Variants in DIRAS3 observed in about 807,000 individuals in gnomAD.
The protein encoded by DIRAS3 is DIRAS family GTPase 3.
For synonymous variants in DIRAS3, 133 were observed against 131.4 expected (o/e 1.01, Z -0.08); for missense variants, 248 against 300.6 (o/e 0.83, Z 1.29).
Position 68,046,632 on chromosome 1 carries a change from C to A in DIRAS3, c.666G>T (p.Leu222=). 1 of 1,614,034 alleles carries A rather than the reference C, an allele frequency of 6.2e-7. No individual in the cohort carries two copies. Among genetic ancestry groups the A allele is most frequent in the Non-Finnish European group, 8.5e-7 (1 of 1,179,996 alleles). Residue 222 remains leucine, a synonymous_variant, in exon 2 of 2, where the codon CTG becomes CTT. Transcript: ENST00000646789. Reference sequence around the variant, plus strand: ...CTCACATGATTATGCACTTGTCAAGCAGCTTCTCAGTGGTGTTGGGCATCT... The same window carrying A: ...CTCACATGATTATGCACTTGTCAAGAAGCTTCTCAGTGGTGTTGGGCATCT... ...KSQMPNTTEK[L]LDKCIIM
chr1:68,046,748 TC>T lies in DIRAS3; in HGVS notation c.549del (p.Thr184ProfsTer3). On this transcript the variant is annotated frameshift_variant, in exon 2 of 2. Transcript: ENST00000646789. LOFTEE classifies it low-confidence loss of function (END_TRUNC). ...WNCAFMEISA[K>X]TDVNVQELFH... is the part of the protein sequence containing the mutation. Reference sequence around the variant, plus strand: ...AACAGCTCCTGCACATTCACATCGGTCTTGGCTGAAATCTCCATGAAGGCGC... The same window carrying T: ...AACAGCTCCTGCACATTCACATCGGTTTGGCTGAAATCTCCATGAAGGCGC... 1 of 1,614,152 alleles carries T rather than the reference TC, an allele frequency of 6.2e-7. No individual in the cohort carries two copies. Among genetic ancestry groups the T allele is most frequent in the South Asian group, 1.1e-5 (1 of 91,078 alleles).
chr1:68,046,908 G>A lies in DIRAS3; in HGVS notation c.390C>T (p.Phe130=), dbSNP rs1645678763. 1 of 1,614,168 alleles carries A rather than the reference G, an allele frequency of 6.2e-7. No homozygotes were observed. The highest frequency in any genetic ancestry group is 1.3e-5 in the African/African-American group (1 of 75,034). The change falls in exon 2 of 2, where the codon TTC becomes TTT. Residue 130 remains phenylalanine, a synonymous_variant. Transcript: ENST00000646789. Reference sequence around the variant, plus strand: ...CTTTGATCTTGCAGATCAGCTCATAGAAGGCCTTCAGCTCTTCCAGGGTTT... The same window carrying A: ...CTTTGATCTTGCAGATCAGCTCATAAAAGGCCTTCAGCTCTTCCAGGGTTT... ...KKETLEELKA[F]YELICKIKGN...
At position 68,049,059 on chromosome 1, in the gene DIRAS3, GA is replaced by G. The variant is rs558109737; in HGVS notation, c.-66+1488del. Among the ~76,000 whole-genome samples the G allele has an allele frequency of 8.9e-4, 129 of 145,656 alleles. 1 individual carries two copies. The highest frequency in any genetic ancestry group is 2.6e-3 in the African/African-American group (103 of 40,022). ...CCACCCCATATTAGAGTTTTCATTTGAAAAAAAAAAATGTTGTTGCTGGTTG... is the reference window on the plus strand; with the variant it reads ...CCACCCCATATTAGAGTTTTCATTTGAAAAAAAAAATGTTGTTGCTGGTTG... On this transcript the variant is annotated intron_variant, in intron 1 of 1. Coordinates refer to ENST00000646789, the MANE Select transcript of DIRAS3 (RefSeq NM_004675.5).
At chr1:68,047,408 A>G (rs1262378462) in intron 1 of DIRAS3, 46 bp from the exon 2 acceptor site, 4 of 974,308 alleles carry the variant, frequency 4.1e-6, no homozygotes, top group East Asian at 2.6e-5. Flanking sequence ...GTAACCTACA[A>G]TGTTGTCAGA....
Position 68,046,310 on chromosome 1 carries a change from T to G in DIRAS3, c.*298A>C, listed in dbSNP as rs1369489989. 4.2e-6 allele frequency: 1 copy of G among 237,362 alleles called. No homozygotes were observed. The highest frequency in any genetic ancestry group is 8.2e-6 in the Non-Finnish European group (1 of 121,958). 14.7% of individuals were successfully genotyped at this position (237,362 alleles called of 1,614,324 possible). ...CTTCCAATTTTTCTTTCTATTCATT[T>G]TGATGTTTTGTTCTTTTCAAAACAT... On this transcript the variant is annotated 3_prime_UTR_variant, in exon 2 of 2. Coordinates refer to ENST00000646789, the MANE Select transcript of DIRAS3 (RefSeq NM_004675.5).
intron 1 of DIRAS3, chr1:68,049,457 A>T: frequency 6.5e-6 from 1 of 152,872 alleles, no homozygotes; most frequent in East Asian, 1.9e-4. Context: ...GATTTCTGCT[A>T]CAGTGATGCA....
At chr1:68,049,960 A>ACC (rs576801046) in intron 1 of DIRAS3, among the ~76,000 whole-genome samples, 2,720 of 105,834 alleles carry the variant, frequency 0.026, 280 homozygotes, top group African/African-American at 0.1. Context: ...CAGGCAGTGG[A>ACC]CCCCCCCCCC....
At position 68,046,488 on chromosome 1, in the gene DIRAS3, C is replaced by T. The variant is rs11801053; in HGVS notation, c.*120G>A. 0.043 allele frequency: 39,171 copies of T among 921,250 alleles called. 2,425 individuals are homozygous for T. Among genetic ancestry groups the T allele is most frequent in the African/African-American group, 0.26 (15,431 of 60,200 alleles). The allele number at this position is 921,250 out of a possible 1,614,324, so 57.1% of individuals were successfully genotyped here. On this transcript the variant is annotated 3_prime_UTR_variant, in exon 2 of 2. Coordinates refer to ENST00000646789, the MANE Select transcript of DIRAS3 (RefSeq NM_004675.5). ...ACTTACAAGGTATACGTATTGACAACATGGATGTTACAGTCCAAACAACAG... is the reference window on the plus strand; with the variant it reads ...ACTTACAAGGTATACGTATTGACAATATGGATGTTACAGTCCAAACAACAG...
At chr1:68,048,049 AATATATATATATAT>A (rs57871159) in intron 1 of DIRAS3, among the ~76,000 whole-genome samples, 156 of 7,270 alleles carry the variant, frequency 0.021, 5 homozygotes, top group Non-Finnish European at 0.023. Context: ...AAAAAAAAAA[AATATATATATATAT>A]ATATATATAT....
chr1:68,047,026 T>C lies in DIRAS3; in HGVS notation c.272A>G (p.Asp91Gly). Reference protein sequence around the residue: ...SHGVLSLHITDSKSGDGNRAL... With the variant: ...SHGVLSLHITGSKSGDGNRAL... ...GCGGTTGCCGTCGCCACTCTTGCTG[T>C]CGGTGATGTGCAGGGAAAGCACACC... The change falls in exon 2 of 2, where the codon GAC becomes GGC. Residue 91 changes from aspartate to glycine, a missense_variant. Coordinates refer to ENST00000646789, the MANE Select transcript of DIRAS3 (RefSeq NM_004675.5). The C allele has an allele frequency of 3.1e-6, 5 of 1,614,190 alleles. No individual in the cohort carries two copies. Among genetic ancestry groups the C allele is most frequent in the Non-Finnish European group, 4.2e-6 (5 of 1,180,042 alleles).
rs757653450 is a variant in DIRAS3, at chr1:68,047,134, T to A, written c.164A>T (p.His55Leu). 5 of 1,614,198 alleles carry A rather than the reference T, an allele frequency of 3.1e-6. No individual in the cohort carries two copies. In the South Asian group the frequency reaches 5.5e-5, roughly 18 times the overall value. The change falls in exon 2 of 2, where the codon CAC (histidine) becomes CTC (leucine). Residue 55 changes from histidine to leucine, a missense_variant. By Grantham distance (99) the His-to-Leu change is moderately conservative. Transcript: ENST00000646789. ...ACGGAAGTTGCCGCTCGCCCACTTGTGCAGCAGCGTACTTTTCCCCACACC... is the reference window on the plus strand; with the variant it reads ...ACGGAAGTTGCCGCTCGCCCACTTGAGCAGCAGCGTACTTTTCCCCACACC... ...TAGVGKSTLL[H>L]KWASGNFRHE...
Position 68,047,298 on chromosome 1 carries a change from C to A in DIRAS3, c.-1G>T. ...TGGAGCCAAAGCTGGCGTTACCCAT[C>A]GTTGGGATTCGGAGGGGAGATACGT... On this transcript the variant is annotated 5_prime_UTR_variant, in exon 2 of 2. Coordinates refer to ENST00000646789, the MANE Select transcript of DIRAS3 (RefSeq NM_004675.5). 1.2e-6 allele frequency: 2 copies of A among 1,611,442 alleles called. No individual in the cohort carries two copies. Among genetic ancestry groups the A allele is most frequent in the Non-Finnish European group, 1.7e-6 (2 of 1,178,428 alleles).
intron 1 of DIRAS3, chr1:68,049,228 A>G (rs141630177): frequency 1.3e-5 from 2 of 152,354 alleles, no homozygotes; most frequent in Non-Finnish European, 2.9e-5. Flanking sequence ...GGAGGTTAAT[A>G]CAGTAAATAT....
Position 68,047,255 on chromosome 1 carries a change from T to G in DIRAS3, c.43A>C (p.Lys15Gln), listed in dbSNP as rs375146975. The G allele has an allele frequency of 1.2e-6, 2 of 1,613,830 alleles. No individual in the cohort carries two copies. Among genetic ancestry groups the G allele is most frequent in the African/African-American group, 1.3e-5 (1 of 74,926 alleles). Residue 15 changes from lysine to glutamine, a missense_variant, in exon 2 of 2, where the codon AAG becomes CAG. Transcript: ENST00000646789. The stretch of plus-strand genomic sequence containing the variant: ...AGGGCGGGCAGAAGCCGCAACCGCT[T>G]CAGCAGCTTCTGTTCCTTGGAGCCA... ...SFGSKEQKLL[K>Q]RLRLLPALLI... is the part of the protein sequence containing the mutation.
At chr1:68,048,097 C>A (rs567633640) in intron 1 of DIRAS3, among the ~76,000 whole-genome samples, 2 of 91,830 alleles carry the variant, frequency 2.2e-5, no homozygotes, top group African/African-American at 8.7e-5. Context: ...CCTTTCTCTT[C>A]AGGATCTAAT....
chr1:68,047,211 G>T lies in DIRAS3; in HGVS notation c.87C>A (p.Phe29Leu). Residue 29 changes from phenylalanine (F) to leucine (L), a missense_variant, in exon 2 of 2, where the codon TTC (phenylalanine) becomes TTA (leucine). Coordinates refer to ENST00000646789, the MANE Select transcript of DIRAS3 (RefSeq NM_004675.5). The stretch of plus-strand genomic sequence containing the variant: ...AATCTCTGATCTTCCTGTGGGGCTT[G>T]AAGGCGCGGAGGATAAGCAGGGCGG... The part of the protein sequence containing the change: ...LLPALLILRA[F>L]KPHRKIRDYR... 1 of 1,614,100 alleles carries T rather than the reference G, an allele frequency of 6.2e-7. No homozygotes were observed. Among genetic ancestry groups the T allele is most frequent in the Non-Finnish European group, 8.5e-7 (1 of 1,180,044 alleles).
At chr1:68,048,049 A>AAAAAAAATATATAT (rs1553173941) in intron 1 of DIRAS3, among the ~76,000 whole-genome samples, 1 of 7,272 alleles carries the variant, frequency 1.4e-4, no homozygotes, top group East Asian at 4.8e-3. Context: ...AAAAAAAAAA[A>AAAAAAAATATATAT]ATATATATAT....
intron 1 of DIRAS3, among the ~76,000 whole-genome samples, chr1:68,048,052 AT>A (rs1236747176): frequency 9.4e-5 from 7 of 74,858 alleles, no homozygotes; most frequent in African/African-American, 2.4e-4. Flanking sequence ...AAAAAAAAAT[AT>A]ATATATATAT....
At position 68,046,920 on chromosome 1, in the gene DIRAS3, C is replaced by G; in HGVS notation, c.378G>C (p.Glu126Asp). ...YSVTKKETLE[E>D]LKAFYELICK... ...AGATCAGCTCATAGAAGGCCTTCAG[C>G]TCTTCCAGGGTTTCCTTCTTGGTGA... Residue 126 changes from glutamate to aspartate, a missense_variant, in exon 2 of 2, where the codon GAG becomes GAC. Glu to Asp is a conservative substitution (Grantham distance 45). Coordinates refer to ENST00000646789, the MANE Select transcript of DIRAS3 (RefSeq NM_004675.5). 6.2e-7 allele frequency: 1 copy of G among 1,614,178 alleles called. No individual in the cohort carries two copies. The highest frequency in any genetic ancestry group is 8.5e-7 in the Non-Finnish European group (1 of 1,180,034).
Sources: gnomAD v4.1 joint callset for allele counts (sites outside exome capture counted in the v4.1 genomes callset) on GRCh38, gnomAD v4.1.1 for gene constraint, MANE v1.5 for transcripts, NCBI Gene and HGNC (gene_info 2026-07-23, HGNC 2026-07-21) for gene names.